Variants in MYO16 observed in about 807,000 individuals in gnomAD.
MYO16 encodes myosin XVI.
A neutral mutation model predicts 205.3 loss-of-function variants in MYO16; 94 were observed. That is an observed-to-expected ratio of 0.46 (90% CI 0.39 to 0.54). The LOEUF (loss-of-function observed/expected upper bound fraction) is 0.54. Among genes scored for constraint, MYO16 ranks in the 20% least tolerant of loss-of-function variants. MYO16 has a pLI of 0.00. For synonymous variants in MYO16, 988 were observed against 954.0 expected, an observed-to-expected ratio of 1.04 and a Z score of -0.66; for missense variants, 2,315 against 2,387.5, an observed-to-expected ratio of 0.97 and a Z score of 0.63.
At chr13:108,832,010 G>A (rs1876647015) in intron 9 of MYO16, among the ~76,000 whole-genome samples, 1 of 152,164 alleles carries the variant, frequency 6.6e-6, no homozygotes, top group Admixed American at 6.5e-5. Context: ...TGGTGCTACA[G>A]CTGCTGTAAC....
chr13:108,603,101 A>T (rs540123708), intron 1 of MYO16, among the ~76,000 whole-genome samples: 1 of 152,222 alleles, frequency 6.6e-6, no homozygotes, highest in Non-Finnish European at 1.5e-5. Flanking sequence ...GTTTTAAAAA[A>T]TATATTCCAA....
intron 4 of MYO16, among the ~76,000 whole-genome samples, chr13:108,760,143 G>A (rs1434639701): frequency 6.6e-6 from 1 of 152,068 alleles, no homozygotes; most frequent in Admixed American, 6.5e-5. Context: ...CCACACTATC[G>A]AATACTAGAA....
chr13:108,940,777 A>G (rs1417270625), intron 16 of MYO16, among the ~76,000 whole-genome samples: 1 of 152,218 alleles, frequency 6.6e-6, no homozygotes, highest in Non-Finnish European at 1.5e-5. Flanking sequence ...CAGGCCTGTT[A>G]GCCTCTCTGG....
intron 3 of MYO16, among the ~76,000 whole-genome samples, chr13:108,713,057 A>T (rs1225464381): frequency 6.6e-6 from 1 of 152,160 alleles, no homozygotes; most frequent in Non-Finnish European, 1.5e-5. Flanking sequence ...CCTCTAATGA[A>T]ATTTTACTAT....
chr13:108,621,929 T>A (rs1879557988), intron 1 of MYO16, among the ~76,000 whole-genome samples: 1 of 152,074 alleles, frequency 6.6e-6, no homozygotes, highest in Admixed American at 6.6e-5. Context: ...GCCTAATTTA[T>A]AAACTAAACT....
chr13:108,684,117 G>A (rs1054899007), intron 2 of MYO16, among the ~76,000 whole-genome samples: 4 of 152,106 alleles, frequency 2.6e-5, no homozygotes, highest in Admixed American at 6.5e-5. Context: ...CTCGTGATCC[G>A]CCCGCCTCGG....
intron 20 of MYO16, among the ~76,000 whole-genome samples, chr13:108,972,530 C>G (rs947331229): frequency 6.7e-6 from 1 of 149,056 alleles, no homozygotes; most frequent in African/African-American, 2.5e-5. Flanking sequence ...ACATTTCACT[C>G]GTGATCTTTT....
intron 10 of MYO16, among the ~76,000 whole-genome samples, chr13:108,852,369 C>A (rs918678616): frequency 2.6e-5 from 4 of 152,112 alleles, no homozygotes; most frequent in Non-Finnish European, 5.9e-5. Context: ...TTCCATTATC[C>A]ACTGGAATTC....
chr13:108,620,313 T>A (rs1052675479), intron 1 of MYO16, among the ~76,000 whole-genome samples: 12 of 152,194 alleles, frequency 7.9e-5, no homozygotes, highest in African/African-American at 2.7e-4. Flanking sequence ...GAATATTTAT[T>A]CTGGAAATGC....
chr13:108,821,071 T>C (rs1875944091), intron 8 of MYO16, among the ~76,000 whole-genome samples: 1 of 152,042 alleles, frequency 6.6e-6, no homozygotes, highest in Non-Finnish European at 1.5e-5. Flanking sequence ...AAAAGAGTTC[T>C]GAATAACAAA....
At chr13:108,978,213 C>G (rs902123753) in intron 20 of MYO16, among the ~76,000 whole-genome samples, 1 of 151,928 alleles carries the variant, frequency 6.6e-6, no homozygotes, top group African/African-American at 2.4e-5. Context: ...TGGCTTACTA[C>G]TTTCTTATGT....
intron 1 of MYO16, among the ~76,000 whole-genome samples, chr13:108,607,978 C>CT (rs762809699): frequency 3.5e-4 from 53 of 152,324 alleles, no homozygotes; most frequent in Non-Finnish European, 6.5e-4. Context: ...CTCAGCATGT[C>CT]TAAAAACTGC....
chr13:108,998,840 C>CTA (rs1256423309), intron 21 of MYO16, among the ~76,000 whole-genome samples: 2 of 152,178 alleles, frequency 1.3e-5, no homozygotes, highest in African/African-American at 4.8e-5. Flanking sequence ...CCTATGGCTT[C>CTA]TATGTACATG....
At chr13:109,022,503 CAT>C (rs1429322097) in intron 23 of MYO16, among the ~76,000 whole-genome samples, 37 of 34,214 alleles carry the variant, frequency 1.1e-3, no homozygotes, top group Admixed American at 3.7e-3. Context: ...ACAATATAAA[CAT>C]ATGTATATAT....
At chr13:109,051,823 C>A (rs1887256373) in intron 24 of MYO16, among the ~76,000 whole-genome samples, 1 of 152,128 alleles carries the variant, frequency 6.6e-6, no homozygotes, top group Non-Finnish European at 1.5e-5. Context: ...TTTCACCTAG[C>A]AACTGGTGCA....
the MYO16 span, among the ~76,000 whole-genome samples, chr13:108,501,716 C>A: frequency 6.6e-6 from 1 of 152,200 alleles, no homozygotes; most frequent in Non-Finnish European, 1.5e-5. Flanking sequence ...CTAAACATGT[C>A]CTTTGCACGT....
the MYO16 span, among the ~76,000 whole-genome samples, chr13:108,508,143 C>T: frequency 1.3e-5 from 2 of 151,332 alleles, no homozygotes; most frequent in South Asian, 4.2e-4. Context: ...ATTCATAGAT[C>T]TCGACTTCTT....
chr13:108,567,377 A>G, the MYO16 span, among the ~76,000 whole-genome samples: 1 of 152,172 alleles, frequency 6.6e-6, no homozygotes, highest in Non-Finnish European at 1.5e-5. Flanking sequence ...TGATAATCGA[A>G]GTTGATAAGG....
chr13:109,140,662 CG>C lies in MYO16; in HGVS notation c.4451del (p.Arg1484ProfsTer50), dbSNP rs1877018865. ...CGGCGCATCGCCGCCCCTGCTCCACCGCGCGCCGGAGGACGAGGCGGCGGGG... is the reference window on the plus strand; with the variant it reads ...CGGCGCATCGCCGCCCCTGCTCCACCCGCGCCGGAGGACGAGGCGGCGGGG... ...LHGASPPLLH[R>X]APEDEAAGPP... On this transcript the variant is annotated frameshift_variant, in exon 32 of 35. Coordinates refer to ENST00000457511, the MANE Select transcript of MYO16 (RefSeq NM_001198950.3). LOFTEE classifies it high-confidence loss of function. The surrounding 1 kb of genome is among the most constrained non-coding windows in gnomAD (Gnocchi z 8.0). 1 of 1,492,956 alleles carries C rather than the reference CG, an allele frequency of 6.7e-7. No individual in the cohort carries two copies. Among genetic ancestry groups the C allele is most frequent in the Non-Finnish European group, 8.9e-7 (1 of 1,125,134 alleles). The allele number at this position is 1,492,956 out of a possible 1,614,324, so 92.5% of individuals were successfully genotyped here. A position where few individuals can be genotyped will look rare whatever the true frequency, so the allele number is the denominator to read the frequency against.
Sources: allele counts gnomAD v4.1 joint callset (sites outside exome capture counted in the v4.1 genomes callset), GRCh38; gene constraint gnomAD v4.1.1; non-coding constraint Gnocchi (gnomAD v3.1); transcripts MANE v1.5; gene names NCBI Gene and HGNC (gene_info 2026-07-23, HGNC 2026-07-21).